Variants in STK32A observed in about 807,000 individuals in gnomAD.
STK32A encodes the protein serine/threonine kinase 32A.
STK32A carries 41 observed loss-of-function variants against 53.2 expected under a neutral mutation model. That is an observed-to-expected ratio of 0.77 (90% CI 0.60 to 1.00). STK32A has a LOEUF of 1.00. Among genes scored for constraint, STK32A ranks in the 50% least tolerant of loss-of-function variants. The pLI is 0.00. For missense variants in STK32A, 458 were observed against 485.8 expected (o/e 0.94, Z 0.54); for synonymous variants, 166 against 162.8 (o/e 1.02, Z -0.15).
At chr5:147,373,420 A>G in intron 10 of STK32A, 126 bp downstream of exon 10, 1 of 1,313,862 alleles carries the variant, frequency 7.6e-7, no homozygotes, top group Non-Finnish European at 1.0e-6. Context: ...TTCCCATTTT[A>G]CAGATGAGAG....
chr5:147,371,600 G>T (rs1022208961), intron 9 of STK32A, among the ~76,000 whole-genome samples: 2 of 152,136 alleles, frequency 1.3e-5, no homozygotes, highest in African/African-American at 4.8e-5. Flanking sequence ...TCTAGTCCAT[G>T]AATTTTTTCT....
At chr5:147,280,516 C>G (rs1752013436) in intron 4 of STK32A, among the ~76,000 whole-genome samples, 1 of 151,906 alleles carries the variant, frequency 6.6e-6, no homozygotes, top group Non-Finnish European at 1.5e-5. Flanking sequence ...TGACTGCCAG[C>G]TTTTCCCCAC....
chr5:147,367,078 T>C lies in STK32A; in HGVS notation c.661-3576T>C, dbSNP rs1373329840. Among the ~76,000 whole-genome samples the C allele has an allele frequency of 4.6e-5, 7 of 152,134 alleles. No homozygotes were observed. In the East Asian group the frequency reaches 1.4e-3, roughly 29 times the overall value. ...TATTCACAGTATTTAACTGTTTTTT[T>C]TTTCCTCAGGAGAGTCTTGCTCTGT... On this transcript the variant is annotated intron_variant, in intron 8 of 12. Transcript: ENST00000397936.
intron 5 of STK32A, among the ~76,000 whole-genome samples, chr5:147,331,460 T>A (rs1034370760): frequency 1.3e-5 from 2 of 152,208 alleles, no homozygotes; most frequent in African/African-American, 2.4e-5. Context: ...TTACTTTCAC[T>A]CTTATAATAA....
At chr5:147,365,860 G>T (rs1017005286) in intron 8 of STK32A, among the ~76,000 whole-genome samples, 1 of 152,002 alleles carries the variant, frequency 6.6e-6, no homozygotes, top group Non-Finnish European at 1.5e-5. Context: ...AGGTATTCTC[G>T]CCTGCCTGGA....
the STK32A span, chr5:147,401,613 C>A: frequency 1.2e-6 from 2 of 1,614,022 alleles, no homozygotes; most frequent in Non-Finnish European, 8.5e-7. Context: ...ACAAATGCAG[C>A]CGCCTTGGCC....
rs548608322 is a variant in STK32A at position 147,385,876 on chromosome 5, A to C, written c.*1893A>C. On this transcript the variant is annotated 3_prime_UTR_variant, in exon 13 of 13. Coordinates refer to ENST00000397936, the MANE Select transcript of STK32A (RefSeq NM_001112724.2). ...GTAAGCTGGCAACTGCGAAGACCTG[A>C]CTGATGCCCATTTGGGAAGCCAGGC... is the stretch of plus-strand genomic sequence containing the variant. 6.6e-6 allele frequency: 1 copy of C among 152,348 alleles called. No homozygotes were observed. Among genetic ancestry groups the C allele is most frequent in the East Asian group, 1.9e-4 (1 of 5,168 alleles). The allele number at this position is 152,348 out of a possible 1,614,324, so 9.4% of individuals were successfully genotyped here.
intron 2 of STK32A, among the ~76,000 whole-genome samples, chr5:147,260,895 A>G (rs1754533767): frequency 6.6e-6 from 1 of 152,212 alleles, no homozygotes. Flanking sequence ...ATTCATGCAC[A>G]CACACACATT....
At chr5:147,293,758 T>C (rs1378997502) in intron 4 of STK32A, among the ~76,000 whole-genome samples, 1 of 151,754 alleles carries the variant, frequency 6.6e-6, no homozygotes, top group Non-Finnish European at 1.5e-5. Flanking sequence ...ATCTCAGATT[T>C]TACCTTAAAA....
At chr5:147,262,081 C>T (rs1478924431) in intron 2 of STK32A, among the ~76,000 whole-genome samples, 1 of 152,090 alleles carries the variant, frequency 6.6e-6, no homozygotes, top group Non-Finnish European at 1.5e-5. Context: ...TGGGTTATCT[C>T]GTCTTATTCT....
At chr5:147,394,589 C>T in the STK32A span, among the ~76,000 whole-genome samples, 1 of 151,056 alleles carries the variant, frequency 6.6e-6, no homozygotes, top group Non-Finnish European at 1.5e-5. Flanking sequence ...TTTGTGACAA[C>T]AGCACAAAAA....
intron 2 of STK32A, among the ~76,000 whole-genome samples, chr5:147,240,908 G>T (rs1753543381): frequency 6.6e-6 from 1 of 152,178 alleles, no homozygotes; most frequent in South Asian, 2.1e-4. Context: ...ATTCCAGCCA[G>T]TGAGAAAGGT....
At chr5:147,277,919 T>A (rs1312624001) in intron 2 of STK32A, among the ~76,000 whole-genome samples, 1 of 152,220 alleles carries the variant, frequency 6.6e-6, no homozygotes, top group Admixed American at 6.5e-5. Context: ...TACTCTATTA[T>A]TACTGTATTC....
intron 6 of STK32A, among the ~76,000 whole-genome samples, chr5:147,344,486 T>C (rs576905219): frequency 6.6e-6 from 1 of 152,274 alleles, no homozygotes; most frequent in East Asian, 1.9e-4. Context: ...ATACCAGCTA[T>C]CCAGAGCTAG....
chr5:147,332,738 A>T (rs199606867), intron 5 of STK32A, among the ~76,000 whole-genome samples: 18 of 152,338 alleles, frequency 1.2e-4, no homozygotes, highest in Admixed American at 8.5e-4. Context: ...ACGGCAGTGC[A>T]GTAATGAGGG....
chr5:147,286,889 C>A (rs1004431748), intron 4 of STK32A, among the ~76,000 whole-genome samples: 2 of 152,138 alleles, frequency 1.3e-5, no homozygotes, highest in Non-Finnish European at 2.9e-5. Flanking sequence ...TAGATACTTT[C>A]TTTCCCCATG....
At chr5:147,246,130 A>G (rs1272617903) in intron 2 of STK32A, among the ~76,000 whole-genome samples, 3 of 152,218 alleles carry the variant, frequency 2.0e-5, no homozygotes, top group East Asian at 3.9e-4. Flanking sequence ...GAATGGTTGG[A>G]AAAGTTAAAG....
intron 4 of STK32A, among the ~76,000 whole-genome samples, chr5:147,293,638 G>T (rs551537086): frequency 4.6e-5 from 7 of 151,882 alleles, no homozygotes; most frequent in African/African-American, 1.4e-4. Flanking sequence ...ATAATTCCAA[G>T]ATTTCAAAAG....
downstream of STK32A, among the ~76,000 whole-genome samples, chr5:147,390,014 T>C (rs4642416): frequency 0.019 from 2,864 of 152,330 alleles, 159 homozygotes; most frequent in East Asian, 0.2. Flanking sequence ...CTGAACTTTA[T>C]AGTTGCACCA....
Sources: allele counts gnomAD v4.1 joint callset (sites outside exome capture counted in the v4.1 genomes callset), GRCh38; gene constraint gnomAD v4.1.1; transcripts MANE v1.5; gene names NCBI Gene and HGNC (gene_info 2026-07-23, HGNC 2026-07-21).